The following WDPCP variants were observed in gnomAD, a reference collection of about 807,000 sequenced individuals.
WDPCP encodes the protein WD repeat containing planar cell polarity effector.
A neutral mutation model predicts 93.1 loss-of-function variants in WDPCP; 71 were observed. That is an observed-to-expected ratio of 0.76 (90% CI 0.63 to 0.93). WDPCP has a LOEUF of 0.93. Among genes scored for constraint, WDPCP ranks in the 40% least tolerant of loss-of-function variants. The pLI, the probability that WDPCP is intolerant of heterozygous loss-of-function variation, is 0.00. For synonymous variants in WDPCP, 315 were observed against 315.0 expected (o/e 1.00, Z 0.00); for missense variants, 844 against 887.4 (o/e 0.95, Z 0.62).
rs190798149 is a variant in WDPCP, at chr2:63,771,835, G to A, written n.308+41787C>T. On this transcript the variant is annotated intron_variant and non_coding_transcript_variant, in intron 2 of 4. Coordinates refer to the WDPCP transcript ENST00000467687. The stretch of plus-strand genomic sequence containing the variant: ...TTCCTGTATTAATTCTTAGGATAAT[G>A]GCCTCCAGCTGTATCCATGTTGCTA... Among the ~76,000 whole-genome samples, 26 of 151,990 alleles carry A rather than the reference G, an allele frequency of 1.7e-4. No homozygotes were observed. The East Asian group carries it at 5.0e-3, about 29-fold the overall frequency.
At chr2:63,382,205 G>C (rs543073234) in intron 10 of WDPCP, 111 bp from the exon 11 acceptor site, 8 of 1,059,336 alleles carry the variant, frequency 7.6e-6, no homozygotes, top group Non-Finnish European at 1.1e-5. Context: ...TTAAGTGCTA[G>C]AAATGTGGGA....
At chr2:63,497,953 C>T (rs1701330280) in intron 1 of WDPCP, among the ~76,000 whole-genome samples, 1 of 152,078 alleles carries the variant, frequency 6.6e-6, no homozygotes, top group South Asian at 2.1e-4. Flanking sequence ...GTAAGCTGAG[C>T]AATGCTGCCC....
intron 15 of WDPCP, among the ~76,000 whole-genome samples, chr2:63,163,577 C>T (rs2103913148): frequency 6.6e-6 from 1 of 152,216 alleles, no homozygotes; most frequent in South Asian, 2.1e-4. Context: ...AGACATATGC[C>T]ATATGTTCTC....
chr2:63,702,897 A>G (rs983040955), intron 2 of WDPCP, among the ~76,000 whole-genome samples: 5 of 151,466 alleles, frequency 3.3e-5, no homozygotes, highest in Non-Finnish European at 5.9e-5. Flanking sequence ...ACAGTCCCCA[A>G]TGTGTGATGT....
chr2:63,313,650 CA>C (rs1400715631), intron 12 of WDPCP, among the ~76,000 whole-genome samples: 1 of 151,816 alleles, frequency 6.6e-6, no homozygotes, highest in East Asian at 1.9e-4. Flanking sequence ...CTATAGAAAT[CA>C]AAAGGCAATT....
In WDPCP at chr2:63,657,263, G is replaced by A. The variant is rs186786062; in HGVS notation, n.309-6425C>T. Reference sequence around the variant, plus strand: ...TCTGTCACCCAGGCTGGAGTGCAGCGGCCCGATCTCGACTCACTGCAAGCT... The same window carrying A: ...TCTGTCACCCAGGCTGGAGTGCAGCAGCCCGATCTCGACTCACTGCAAGCT... On this transcript the variant is annotated intron_variant and non_coding_transcript_variant, in intron 2 of 4. Coordinates refer to the WDPCP transcript ENST00000467687. Among the ~76,000 whole-genome samples the A allele has an allele frequency of 9.2e-3, 1,287 of 140,196 alleles. 17 individuals carry two copies. Among genetic ancestry groups the A allele is most frequent in the African/African-American group, 0.033 (1,179 of 36,260 alleles). The allele number at this position is 140,196 out of a possible 152,430, so 92.0% of individuals were successfully genotyped here.
chr2:63,540,352 AC>A (rs1335091200), intron 1 of WDPCP, among the ~76,000 whole-genome samples: 6 of 152,300 alleles, frequency 3.9e-5, no homozygotes, highest in African/African-American at 4.8e-5. Flanking sequence ...ATTACACAAA[AC>A]GTTCACCTTC....
rs1707948031 is a variant in WDPCP, at chr2:63,575,456, A to ACTATATATG, written c.75+12740_75+12741insCATATATAG. 2.8e-4 allele frequency among the ~76,000 whole-genome samples: 12 copies of ACTATATATG among 42,994 alleles called. 3 individuals carry two copies. Among genetic ancestry groups the ACTATATATG allele is most frequent in the South Asian group, 1.0e-3 (1 of 976 alleles). 28.2% of individuals were successfully genotyped at this position (42,994 alleles called of 152,430 possible). ...TATATACAGTGTATACACTGTATAT[A>ACTATATATG]CAGTATATATGCAGTATATACAGTG... On this transcript the variant is annotated intron_variant, in intron 1 of 17. Coordinates refer to ENST00000272321, the MANE Select transcript of WDPCP (RefSeq NM_015910.7).
chr2:63,655,807 T>G (rs1444011726), intron 2 of WDPCP, among the ~76,000 whole-genome samples: 1 of 152,228 alleles, frequency 6.6e-6, no homozygotes, highest in Admixed American at 6.5e-5. Flanking sequence ...TATTTCCCCA[T>G]TAATACATGA....
intron 2 of WDPCP, among the ~76,000 whole-genome samples, chr2:63,698,984 T>C (rs1185672291): frequency 6.6e-6 from 1 of 152,104 alleles, no homozygotes; most frequent in African/African-American, 2.4e-5. Flanking sequence ...AGCTATTACT[T>C]AGTCAGGCCC....
intron 6 of WDPCP, among the ~76,000 whole-genome samples, chr2:63,463,422 T>G (rs1699149463): frequency 6.6e-6 from 1 of 152,138 alleles, no homozygotes; most frequent in African/African-American, 2.4e-5. Context: ...GATATGATGG[T>G]ACCTGGAGGA....
intron 17 of WDPCP, among the ~76,000 whole-genome samples, chr2:63,148,877 C>T (rs1383909103): frequency 6.6e-6 from 1 of 151,778 alleles, no homozygotes; most frequent in African/African-American, 2.4e-5. Context: ...CACACACACA[C>T]ACACACACAC....
intron 3 of WDPCP, among the ~76,000 whole-genome samples, chr2:63,619,127 T>C (rs1031289830): frequency 2.6e-5 from 4 of 152,250 alleles, no homozygotes; most frequent in African/African-American, 7.2e-5. Context: ...TCTGTCATCT[T>C]CTTTGTTTCT....
At chr2:63,477,028 T>C (rs1478902654) in intron 6 of WDPCP, among the ~76,000 whole-genome samples, 1 of 152,208 alleles carries the variant, frequency 6.6e-6, no homozygotes, top group Non-Finnish European at 1.5e-5. Context: ...GACTATATTA[T>C]ATACTTTTAT....
intron 14 of WDPCP, among the ~76,000 whole-genome samples, chr2:63,234,152 C>T (rs1679171134): frequency 1.3e-5 from 2 of 152,144 alleles, no homozygotes; most frequent in Admixed American, 1.3e-4. Context: ...TGGCTAAAAT[C>T]ACAATACCTA....
chr2:63,675,831 T>C (rs1038936941), intron 2 of WDPCP, among the ~76,000 whole-genome samples: 1 of 152,218 alleles, frequency 6.6e-6, no homozygotes, highest in African/African-American at 2.4e-5. Flanking sequence ...TATTTAAGTG[T>C]AATGTAGTGA....
intron 2 of WDPCP, among the ~76,000 whole-genome samples, chr2:63,714,601 G>A (rs890251824): frequency 1.3e-5 from 2 of 152,082 alleles, no homozygotes; most frequent in South Asian, 2.1e-4. Flanking sequence ...AGGCCGAGGC[G>A]GGCGGATCAC....
chr2:63,318,701 G>A (rs1392360756), intron 12 of WDPCP, among the ~76,000 whole-genome samples: 1 of 152,086 alleles, frequency 6.6e-6, no homozygotes, highest in Non-Finnish European at 1.5e-5. Context: ...CTTATAAGTG[G>A]GAACTAAACA....
intron 1 of WDPCP, among the ~76,000 whole-genome samples, chr2:63,569,088 T>C (rs1330697985): frequency 6.6e-6 from 1 of 152,174 alleles, no homozygotes; most frequent in Non-Finnish European, 1.5e-5. Context: ...TATCATTAAA[T>C]GGAAAATGGA....
Sources: allele counts gnomAD v4.1 joint callset (sites outside exome capture counted in the v4.1 genomes callset), GRCh38; gene constraint gnomAD v4.1.1; transcripts MANE v1.5; gene names NCBI Gene and HGNC (gene_info 2026-07-23, HGNC 2026-07-21).